The following COP1 variants were observed in gnomAD, a reference collection of about 807,000 sequenced individuals.
COP1 encodes the protein COP1 E3 ubiquitin ligase.
A neutral mutation model predicts 101.3 loss-of-function variants in COP1; 24 were observed. The ratio of observed to expected loss-of-function variants is 0.24; its 90% CI spans 0.17 to 0.33. COP1 has a LOEUF of 0.33. COP1 is among the 10% of genes least tolerant of loss of function. COP1 has a pLI of 1.00. For synonymous variants in COP1, 347 were observed against 341.9 expected (o/e 1.01, Z -0.17); for missense variants, 663 against 906.2 (o/e 0.73, Z 3.45).
At chr1:176,131,297 C>T (rs571748393) in intron 8 of COP1, among the ~76,000 whole-genome samples, 21 of 151,808 alleles carry the variant, frequency 1.4e-4, no homozygotes, top group African/African-American at 4.8e-4. Context: ...TGAGGTGATG[C>T]TAAGGATCTA....
chr1:176,124,156 C>T (rs1183781605), intron 8 of COP1, among the ~76,000 whole-genome samples: 3 of 151,882 alleles, frequency 2.0e-5, no homozygotes, highest in African/African-American at 7.3e-5. Context: ...GGTGTATATA[C>T]TTATGAGGTA....
rs1467587127 is a variant in COP1 at position 176,095,864 on chromosome 1, AT to A, written c.1027-9975del. On this transcript the variant is annotated intron_variant, in intron 9 of 19. Coordinates refer to ENST00000367669, the MANE Select transcript of COP1 (RefSeq NM_022457.7). Reference sequence around the variant, plus strand: ...TTCATAATTTTTTTTAAAAAAACATATAAAAATCTGTTAAGAATCAGTTCAC... The same window carrying A: ...TTCATAATTTTTTTTAAAAAAACATAAAAAATCTGTTAAGAATCAGTTCAC... Among the ~76,000 whole-genome samples, 3 of 152,208 alleles carry A rather than the reference AT, an allele frequency of 2.0e-5. No homozygotes were observed. The East Asian group carries it at 5.8e-4, about 29-fold the overall frequency.
At chr1:176,145,816 G>C (rs1691505852) in intron 6 of COP1, among the ~76,000 whole-genome samples, 1 of 152,218 alleles carries the variant, frequency 6.6e-6, no homozygotes, top group South Asian at 2.1e-4. Flanking sequence ...AAACATTAAA[G>C]AAAGGCAAGA....
At chr1:176,065,155 C>A (rs1170920993) in intron 11 of COP1, among the ~76,000 whole-genome samples, 1 of 152,004 alleles carries the variant, frequency 6.6e-6, no homozygotes, top group African/African-American at 2.4e-5. Context: ...TTTATGTAAG[C>A]CTTACTTACT....
chr1:175,977,020 T>A (rs955801536), intron 18 of COP1, among the ~76,000 whole-genome samples: 1 of 149,502 alleles, frequency 6.7e-6, no homozygotes, highest in African/African-American at 2.4e-5. Context: ...TGGAAATCAT[T>A]TCACAAAGAT....
At chr1:176,015,443 G>T (rs1317367052) in intron 15 of COP1, among the ~76,000 whole-genome samples, 2 of 152,106 alleles carry the variant, frequency 1.3e-5, no homozygotes, top group Non-Finnish European at 2.9e-5. Flanking sequence ...AAAGGGAAGG[G>T]GTCAGATTCC....
At chr1:176,203,315 C>A (rs538798224) in intron 1 of COP1, among the ~76,000 whole-genome samples, 1 of 151,966 alleles carries the variant, frequency 6.6e-6, no homozygotes, top group East Asian at 1.9e-4. Context: ...CCAGCCTGGG[C>A]AGCAGAGCGA....
chr1:175,958,407 G>A (rs1482955124), intron 18 of COP1, among the ~76,000 whole-genome samples: 1 of 151,780 alleles, frequency 6.6e-6, no homozygotes, highest in Non-Finnish European at 1.5e-5. Context: ...CAGCTATGAA[G>A]CTAAATATTT....
At chr1:176,121,128 C>T (rs1687052157) in intron 8 of COP1, among the ~76,000 whole-genome samples, 1 of 151,894 alleles carries the variant, frequency 6.6e-6, no homozygotes, top group Non-Finnish European at 1.5e-5. Context: ...ACAAATAAAA[C>T]TTTTTCCTTT....
intron 8 of COP1, among the ~76,000 whole-genome samples, chr1:176,120,596 A>G (rs567966507): frequency 1.3e-5 from 2 of 152,210 alleles, no homozygotes; most frequent in South Asian, 4.1e-4. Context: ...TAAAAAAAGT[A>G]ACAACAATGC....
In COP1 at chr1:176,163,703, G is replaced by A. The variant is rs546095506; in HGVS notation, c.642+112C>T. On this transcript the variant is annotated intron_variant, in intron 4 of 19. Transcript: ENST00000367669. Reference sequence around the variant, plus strand: ...TTGACTAGAACAATCCTAAACAATCGCCTTTTAAGAAAAATCAATAATATA... The same window carrying A: ...TTGACTAGAACAATCCTAAACAATCACCTTTTAAGAAAAATCAATAATATA... 94 of 633,970 alleles carry A rather than the reference G, an allele frequency of 1.5e-4. 1 individual carries two copies. The South Asian group carries it at 1.5e-3, about 10-fold the overall frequency. 39.3% of individuals were successfully genotyped at this position (633,970 alleles called of 1,614,324 possible).
intron 15 of COP1, among the ~76,000 whole-genome samples, chr1:175,998,246 G>A (rs1660751497): frequency 6.6e-6 from 1 of 150,764 alleles, no homozygotes; most frequent in South Asian, 2.1e-4. Context: ...TCACTCATAG[G>A]TGGGAATTGA....
chr1:176,070,819 G>T (rs1037184730), intron 11 of COP1, among the ~76,000 whole-genome samples: 1 of 151,962 alleles, frequency 6.6e-6, no homozygotes, highest in Admixed American at 6.5e-5. Context: ...GCTAATTTTT[G>T]ATTTTTTTAT....
intron 15 of COP1, among the ~76,000 whole-genome samples, chr1:176,006,849 G>T (rs1420611829): frequency 6.6e-6 from 1 of 151,876 alleles, no homozygotes; most frequent in Non-Finnish European, 1.5e-5. Flanking sequence ...TTCTCGAGGA[G>T]TATCTTTGTG....
intron 11 of COP1, among the ~76,000 whole-genome samples, chr1:176,066,982 A>G (rs1336886197): frequency 1.3e-5 from 2 of 152,132 alleles, no homozygotes. Flanking sequence ...CATGCAACCC[A>G]CTCATATGAC....
intron 19 of COP1, among the ~76,000 whole-genome samples, chr1:175,945,471 T>C (rs1412501261): frequency 6.6e-6 from 1 of 152,236 alleles, no homozygotes; most frequent in Admixed American, 6.5e-5. Context: ...ATTTTTGGAA[T>C]ATATGTTGGA....
At chr1:176,198,213 T>G (rs748001071) in intron 1 of COP1, among the ~76,000 whole-genome samples, 6 of 152,138 alleles carry the variant, frequency 3.9e-5, no homozygotes, top group Admixed American at 6.5e-5. Flanking sequence ...AGGATAAAAA[T>G]TACACTACCT....
intron 2 of COP1, among the ~76,000 whole-genome samples, chr1:176,182,547 C>T (rs1041568592): frequency 2.6e-5 from 4 of 152,228 alleles, no homozygotes; most frequent in African/African-American, 4.8e-5. Flanking sequence ...CAGTCACCTA[C>T]GACAAAGAAT....
intron 15 of COP1, among the ~76,000 whole-genome samples, chr1:176,006,966 C>A (rs943262013): frequency 1.3e-5 from 2 of 151,978 alleles, no homozygotes; most frequent in African/African-American, 4.8e-5. Context: ...TTCCATTCTC[C>A]CCATCACTTT....
Sources: allele counts gnomAD v4.1 joint callset (sites outside exome capture counted in the v4.1 genomes callset), GRCh38; gene constraint gnomAD v4.1.1; transcripts MANE v1.5; gene names NCBI Gene and HGNC (gene_info 2026-07-23, HGNC 2026-07-21).